The following TMC1 variants were observed in gnomAD, a reference collection of about 807,000 sequenced individuals.
TMC1 encodes the protein transmembrane channel like 1.
A neutral mutation model predicts 105.8 loss-of-function variants in TMC1; 84 were observed. The observed-to-expected ratio is 0.79, with a 90% CI of 0.67 to 0.95. The LOEUF (loss-of-function observed/expected upper bound fraction) is 0.95. Ranked by LOEUF, TMC1 falls within the 40% of genes least tolerant of loss-of-function variation. The pLI is 0.00. For synonymous variants in TMC1, 315 were observed against 311.5 expected (o/e 1.01, Z -0.12); for missense variants, 817 against 914.1 (o/e 0.89, Z 1.37).
At chr9:72,642,317 G>A (rs1227991884) in intron 4 of TMC1, among the ~76,000 whole-genome samples, 1 of 152,086 alleles carries the variant, frequency 6.6e-6, no homozygotes, top group Admixed American at 6.5e-5. Context: ...CTATGCCTCT[G>A]GTTCTATTGT....
chr9:72,523,890 G>A (rs970922802), intron 1 of TMC1, among the ~76,000 whole-genome samples: 3 of 152,134 alleles, frequency 2.0e-5, no homozygotes, highest in Non-Finnish European at 4.4e-5. Flanking sequence ...ACTCAAAGCC[G>A]GTAAATGCTT....
chr9:72,792,096 TA>T lies in TMC1; in HGVS notation c.1404+33del, dbSNP rs1264128622. ...CCTTGTTTCTGGATTGTCCTTGCCA[TA>T]AGAGTGTTGTTCAATTCCCAGTCTC... On this transcript the variant is annotated intron_variant, in intron 16 of 23. Coordinates refer to ENST00000297784, the MANE Select transcript of TMC1 (RefSeq NM_138691.3). The T allele has an allele frequency of 3.1e-6, 5 of 1,613,798 alleles. No individual in the cohort carries two copies. In the Admixed American group the frequency reaches 8.3e-5, roughly 27 times the overall value.
chr9:72,693,182 A>G (rs1444830), intron 6 of TMC1, among the ~76,000 whole-genome samples: 77,315 of 151,228 alleles, frequency 0.51, 21,074 homozygotes, highest in African/African-American at 0.72. Context: ...ATTTAGTAAT[A>G]TATGTAATAT....
chr9:72,823,190 A>C (rs941727507), intron 20 of TMC1, among the ~76,000 whole-genome samples: 1 of 151,540 alleles, frequency 6.6e-6, no homozygotes, highest in East Asian at 1.9e-4. Context: ...TTTTTTTTTC[A>C]TGTCAGTTTC....
intron 4 of TMC1, among the ~76,000 whole-genome samples, chr9:72,642,762 T>C (rs1477801787): frequency 6.6e-6 from 1 of 152,226 alleles, no homozygotes; most frequent in Non-Finnish European, 1.5e-5. Flanking sequence ...TGTTCAGATA[T>C]AATTCAGATG....
intron 2 of TMC1, among the ~76,000 whole-genome samples, chr9:72,584,267 CTTT>C (rs11374672): frequency 5.8e-5 from 8 of 138,120 alleles, no homozygotes; most frequent in Admixed American, 7.2e-5. Flanking sequence ...AATGTCACTA[CTTT>C]TTTTTTTTTT....
At chr9:72,726,915 G>A (rs1330178398) in intron 8 of TMC1, among the ~76,000 whole-genome samples, 3 of 152,064 alleles carry the variant, frequency 2.0e-5, no homozygotes, top group South Asian at 2.1e-4. Flanking sequence ...CTCACTATGG[G>A]GCAGCACTTT....
chr9:72,722,733 A>G (rs1827049182), intron 8 of TMC1, among the ~76,000 whole-genome samples: 1 of 152,172 alleles, frequency 6.6e-6, no homozygotes. Flanking sequence ...AACAATTAAC[A>G]TGACTGGATG....
At chr9:72,534,351 C>T (rs1823544344) in intron 1 of TMC1, among the ~76,000 whole-genome samples, 1 of 151,952 alleles carries the variant, frequency 6.6e-6, no homozygotes, top group South Asian at 2.1e-4. Context: ...TAGGATCCAA[C>T]CTTTAATTAT....
At position 72,556,869 on chromosome 9, in the gene TMC1, G is replaced by A. The variant is rs573430755; in HGVS notation, c.-427-21033G>A. Among the ~76,000 whole-genome samples, 9 of 147,504 alleles carry A rather than the reference G, an allele frequency of 6.1e-5. 1 individual carries two copies. The South Asian group carries it at 1.9e-3, about 31-fold the overall frequency. On this transcript the variant is annotated intron_variant, in intron 1 of 23. Transcript: ENST00000297784. ...AACAAAAAAATTGGTTCTTGAGCAG[G>A]GCAATTTCACCTCCAAGGGGACATT... is the stretch of plus-strand genomic sequence containing the variant.
chr9:72,793,009 C>A (rs1828301574), intron 17 of TMC1, among the ~76,000 whole-genome samples: 1 of 152,052 alleles, frequency 6.6e-6, no homozygotes, highest in African/African-American at 2.4e-5. Flanking sequence ...ACCTTGGGAA[C>A]CCATACTTCT....
chr9:72,522,240 T>A (rs970278658), intron 1 of TMC1, among the ~76,000 whole-genome samples: 6 of 151,428 alleles, frequency 4.0e-5, no homozygotes, highest in African/African-American at 1.5e-4. Flanking sequence ...TAGCTGGGAC[T>A]ACAGGCGCCC....
chr9:72,550,191 G>C (rs1045541799), intron 1 of TMC1, among the ~76,000 whole-genome samples: 5 of 152,100 alleles, frequency 3.3e-5, no homozygotes, highest in Non-Finnish European at 7.3e-5. Context: ...CTCCAGGCCA[G>C]GCGTGGTGGC....
intron 12 of TMC1, among the ~76,000 whole-genome samples, chr9:72,757,677 T>C (rs1015651527): frequency 6.6e-6 from 1 of 152,216 alleles, no homozygotes; most frequent in African/African-American, 2.4e-5. Flanking sequence ...TTGATGGTGT[T>C]TTGACTGTGA....
chr9:72,784,226 A>G (rs1253452127), intron 13 of TMC1, among the ~76,000 whole-genome samples: 1 of 152,194 alleles, frequency 6.6e-6, no homozygotes, highest in African/African-American at 2.4e-5. Flanking sequence ...AGCAAAAACA[A>G]AACAAAACAA....
intron 5 of TMC1, among the ~76,000 whole-genome samples, chr9:72,667,293 C>T (rs1826058978): frequency 6.6e-6 from 1 of 152,120 alleles, no homozygotes; most frequent in Non-Finnish European, 1.5e-5. Flanking sequence ...TACCCCGTGT[C>T]TCTTCACTGC....
intron 1 of TMC1, among the ~76,000 whole-genome samples, chr9:72,569,660 C>T (rs774575769): frequency 3.9e-5 from 6 of 152,082 alleles, no homozygotes; most frequent in South Asian, 2.1e-4. Flanking sequence ...AGGGAGATGA[C>T]GGGGCTACAG....
At position 72,545,013 on chromosome 9, in the gene TMC1, A is replaced by G. The variant is rs368250669; in HGVS notation, c.-428+23100A>G. 2.4e-3 allele frequency among the ~76,000 whole-genome samples: 368 copies of G among 151,978 alleles called. 2 individuals are homozygous for G. Among genetic ancestry groups the G allele is most frequent in the Middle Eastern group, 0.01 (3 of 292 alleles). ...TTTGCATTCTCGTAGCTTAGCTCCCACTTACGAGTGAGAACATACAATATT... is the reference window on the plus strand; with the variant it reads ...TTTGCATTCTCGTAGCTTAGCTCCCGCTTACGAGTGAGAACATACAATATT... On this transcript the variant is annotated intron_variant, in intron 1 of 23. Transcript: ENST00000297784.
intron 6 of TMC1, among the ~76,000 whole-genome samples, chr9:72,689,079 A>T (rs1459357053): frequency 6.6e-6 from 1 of 152,190 alleles, no homozygotes; most frequent in African/African-American, 2.4e-5. Context: ...ACCCAAAGAT[A>T]GAGAAAATTG....
Sources: allele counts gnomAD v4.1 joint callset (sites outside exome capture counted in the v4.1 genomes callset), GRCh38; gene constraint gnomAD v4.1.1; transcripts MANE v1.5; gene names NCBI Gene and HGNC (gene_info 2026-07-23, HGNC 2026-07-21).